The following PHLPP2 variants were observed in gnomAD, a reference collection of about 807,000 sequenced individuals.
PHLPP2 encodes the protein PH domain leucine-rich repeat-containing protein phosphatase 2.
PHLPP2 carries 66 observed loss-of-function variants against 124.9 expected under a neutral mutation model. That is an observed-to-expected ratio of 0.53 (90% CI 0.43 to 0.65). The LOEUF is 0.65. Among genes scored for constraint, PHLPP2 ranks in the 30% least tolerant of loss-of-function variants. PHLPP2 has a pLI of 0.00. For missense variants in PHLPP2, 1,685 were observed against 1,600.4 expected, an observed-to-expected ratio of 1.05 and a Z score of -0.90; for synonymous variants, 681 against 624.7, an observed-to-expected ratio of 1.09 and a Z score of -1.34.
chr16:71,666,740 A>G (rs942407310), intron 12 of PHLPP2, among the ~76,000 whole-genome samples: 3 of 152,238 alleles, frequency 2.0e-5, no homozygotes, highest in Non-Finnish European at 4.4e-5. Context: ...GTTTGCACAT[A>G]AAGACTGTAA....
Position 71,649,270 on chromosome 16 carries a change from C to A in PHLPP2, c.3592G>T (p.Ala1198Ser). ...CGGATCCCAAAACACGACCCTCTAG[C>A]ATGTTCCTCAGAACACAGGGTAGGA... Reference protein sequence around the residue: ...SSPTLCSEEHARGSCFGIRRQ... With the variant: ...SSPTLCSEEHSRGSCFGIRRQ... Residue 1198 changes from alanine (A) to serine (S), a missense_variant, in exon 19 of 19, where the codon GCT becomes TCT. Transcript: ENST00000568954. 1 of 1,614,008 alleles carries A rather than the reference C, an allele frequency of 6.2e-7. No individual in the cohort carries two copies. The highest frequency in any genetic ancestry group is 8.5e-7 in the Non-Finnish European group (1 of 1,179,982).
chr16:71,695,935 T>C (rs890416059), intron 3 of PHLPP2, among the ~76,000 whole-genome samples: 2 of 152,144 alleles, frequency 1.3e-5, no homozygotes, highest in South Asian at 2.1e-4. Flanking sequence ...TGGTTATCTA[T>C]AGAGCAGTTA....
rs534330880 is a variant in PHLPP2, at chr16:71,694,393, C to T, written c.419-3684G>A. Reference sequence around the variant, plus strand: ...GGAGAATTGCTTGAACCTGGGAGGCCGAGCTTGCAGTGAGCCGAGATCATG... The same window carrying T: ...GGAGAATTGCTTGAACCTGGGAGGCTGAGCTTGCAGTGAGCCGAGATCATG... On this transcript the variant is annotated intron_variant, in intron 3 of 18. Coordinates refer to ENST00000568954, the MANE Select transcript of PHLPP2 (RefSeq NM_015020.3). Among the ~76,000 whole-genome samples, 23 of 147,218 alleles carry T rather than the reference C, an allele frequency of 1.6e-4. No individual in the cohort carries two copies. The East Asian group carries it at 3.3e-3, about 21-fold the overall frequency.
chr16:71,678,581 A>C lies in PHLPP2; in HGVS notation c.1268+174T>G. On this transcript the variant is annotated intron_variant, in intron 8 of 18. Transcript: ENST00000568954. ...CCTGAGAACGGGAGGTCAAGACTGCAGTGGGCCGAGATCGTGCCACTGTAT... is the reference window on the plus strand; with the variant it reads ...CCTGAGAACGGGAGGTCAAGACTGCCGTGGGCCGAGATCGTGCCACTGTAT... 5.2e-6 allele frequency: 3 copies of C among 581,798 alleles called. No homozygotes were observed. The South Asian group carries it at 6.3e-5, about 12-fold the overall frequency. The allele number at this position is 581,798 out of a possible 1,614,324, so 36.0% of individuals were successfully genotyped here. A position where few individuals can be genotyped will look rare whatever the true frequency, so the allele number is the denominator to read the frequency against.
At position 71,714,686 on chromosome 16, in the gene PHLPP2, C is replaced by A. The variant is rs772496142; in HGVS notation, c.110G>T (p.Gly37Val). The change falls in exon 2 of 19, where the codon GGA becomes GTA. Residue 37 changes from glycine (G) to valine (V), a missense_variant. Transcript: ENST00000568954. ...TGTAGTGGCAGTGGTAGTGTCTGCT[C>A]CATAAAGGTAAACACAGCCTCTCTT... ...DVKRGCVYLY[G>V]ADTTTATTTT... 9.9e-6 allele frequency: 16 copies of A among 1,613,660 alleles called. 1 individual carries two copies. The Admixed American group carries it at 2.5e-4, about 25-fold the overall frequency.
rs749426556 is a variant in PHLPP2, at chr16:71,681,876, A to C, written c.765T>G (p.Asp255Glu). The change falls in exon 6 of 19, where the codon GAT (aspartate) becomes GAG (glutamate). Residue 255 changes from aspartate to glutamate, a missense_variant. Asp to Glu is a conservative substitution (Grantham distance 45, BLOSUM62 2). Transcript: ENST00000568954. ...KVVSQRISTV[D>E]LSCYSLEEVP... ...CCTCCTCGAGGCTGTAACACGAGAG[A>C]TCCACGGTACTGATTCGCTGGGACA... is the stretch of plus-strand genomic sequence containing the variant. The C allele has an allele frequency of 6.2e-7, 1 of 1,613,732 alleles. No homozygotes were observed. The highest frequency in any genetic ancestry group is 1.1e-5 in the South Asian group (1 of 90,984).
chr16:71,717,041 T>A (rs978175190), intron 1 of PHLPP2, among the ~76,000 whole-genome samples: 2 of 152,140 alleles, frequency 1.3e-5, no homozygotes, highest in Non-Finnish European at 2.9e-5. Flanking sequence ...CTATTCCCAA[T>A]CTGTACCTTA....
At chr16:71,693,699 C>A (rs1469692187) in intron 3 of PHLPP2, among the ~76,000 whole-genome samples, 2 of 152,196 alleles carry the variant, frequency 1.3e-5, no homozygotes, top group African/African-American at 4.8e-5. Context: ...GATTCATGAA[C>A]ATGCAATGAA....
At chr16:71,688,392 T>A (rs190490488) in intron 4 of PHLPP2, among the ~76,000 whole-genome samples, 229 of 152,364 alleles carry the variant, frequency 1.5e-3, no homozygotes, top group Non-Finnish European at 2.1e-3. Flanking sequence ...AGTAACTGTA[T>A]TTTTATTTCC....
At chr16:71,721,882 A>G (rs2045400676) in intron 1 of PHLPP2, among the ~76,000 whole-genome samples, 1 of 152,252 alleles carries the variant, frequency 6.6e-6, no homozygotes, top group African/African-American at 2.4e-5. Context: ...GTATCCCAGG[A>G]TAGATGGAAC....
chr16:71,711,394 A>G (rs1173348132), intron 2 of PHLPP2, among the ~76,000 whole-genome samples: 3 of 152,144 alleles, frequency 2.0e-5, no homozygotes, highest in Non-Finnish European at 2.9e-5. Context: ...ATAAAACTGA[A>G]TATGATGTGA....
rs1388191703 is a variant in PHLPP2 at position 71,705,061 on chromosome 16, A to C, written c.285-2330T>G. 9.2e-5 allele frequency among the ~76,000 whole-genome samples: 14 copies of C among 152,300 alleles called. No individual in the cohort carries two copies. In the East Asian group the frequency reaches 2.7e-3, roughly 29 times the overall value. On this transcript the variant is annotated intron_variant, in intron 2 of 18. Transcript: ENST00000568954. Reference sequence around the variant, plus strand: ...TAGATTTAAGCTAAACATGAGGAAGAATTTTAACCATTAGAGATGCTCAAC... The same window carrying C: ...TAGATTTAAGCTAAACATGAGGAAGCATTTTAACCATTAGAGATGCTCAAC...
intron 9 of PHLPP2, among the ~76,000 whole-genome samples, 186 bp from the exon 10 acceptor site, chr16:71,672,508 C>T (rs2044904044): frequency 6.6e-6 from 1 of 152,172 alleles, no homozygotes. Flanking sequence ...TCTTGAAAAA[C>T]AAATGTAACA....
intron 13 of PHLPP2, 144 bp from the exon 14 acceptor site, chr16:71,658,959 A>G (rs2044765246): frequency 8.5e-6 from 6 of 706,952 alleles, no homozygotes; most frequent in Non-Finnish European, 1.4e-5. Context: ...GATACCAGGA[A>G]TACCAGGAAA....
Position 71,663,892 on chromosome 16 carries a change from A to C in PHLPP2, c.1985+7T>G. The C allele has an allele frequency of 6.2e-7, 1 of 1,608,216 alleles. No individual in the cohort carries two copies. Reference sequence around the variant, plus strand: ...TTTGAAATGATCAAAGTTTGCATTCATTTTACCTTGCAGGAAAGGTCTGTA... The same window carrying C: ...TTTGAAATGATCAAAGTTTGCATTCCTTTTACCTTGCAGGAAAGGTCTGTA... On this transcript the variant is annotated splice_region_variant and intron_variant, in intron 13 of 18. Transcript: ENST00000568954.
At chr16:71,710,976 G>A (rs1163786501) in intron 2 of PHLPP2, among the ~76,000 whole-genome samples, 3 of 151,652 alleles carry the variant, frequency 2.0e-5, no homozygotes, top group Non-Finnish European at 4.4e-5. Context: ...TATCCATACA[G>A]AGGAATATTC....
At chr16:71,682,211 T>G (rs1396298349) in intron 5 of PHLPP2, among the ~76,000 whole-genome samples, 2 of 150,666 alleles carry the variant, frequency 1.3e-5, no homozygotes, top group South Asian at 2.1e-4. Flanking sequence ...GTTTGTTTTG[T>G]TTTTGGGTTT....
chr16:71,677,040 G>A (rs562776727), intron 8 of PHLPP2: 37 of 213,254 alleles, frequency 1.7e-4, no homozygotes, highest in Middle Eastern at 2.1e-3. Context: ...CACCGTGCCC[G>A]GCCCCCTTTC....
chr16:71,700,689 C>A (rs982204435), intron 3 of PHLPP2, among the ~76,000 whole-genome samples: 1 of 151,978 alleles, frequency 6.6e-6, no homozygotes, highest in Non-Finnish European at 1.5e-5. Context: ...CCAGGCCCAG[C>A]TAATTTTTTG....
Sources: gnomAD v4.1 joint callset for allele counts (sites outside exome capture counted in the v4.1 genomes callset) on GRCh38, gnomAD v4.1.1 for gene constraint, MANE v1.5 for transcripts, NCBI Gene and HGNC (gene_info 2026-07-23, HGNC 2026-07-21) for gene names.